The following CPEB3 variants were observed in gnomAD, a reference collection of about 807,000 sequenced individuals.
CPEB3 encodes the protein cytoplasmic polyadenylation element-binding protein 3.
CPEB3 carries 20 observed loss-of-function variants against 67.2 expected under a neutral mutation model. The ratio of observed to expected loss-of-function variants is 0.30; its 90% CI spans 0.21 to 0.43. CPEB3 has a LOEUF of 0.43. CPEB3 is among the 20% of genes least tolerant of loss of function. The pLI is 1.00. For missense variants in CPEB3, 746 were observed against 968.6 expected (o/e 0.77, Z 3.05); for synonymous variants, 376 against 393.1 (o/e 0.96, Z 0.51).
chr10:92,099,282 A>G (rs1356541811), intron 7 of CPEB3, among the ~76,000 whole-genome samples: 1 of 148,896 alleles, frequency 6.7e-6, no homozygotes, highest in Non-Finnish European at 1.5e-5. Flanking sequence ...GTACAGTAGT[A>G]CATGGAGTAC....
chr10:92,090,235 G>A (rs1266013693), intron 8 of CPEB3, among the ~76,000 whole-genome samples: 2 of 152,158 alleles, frequency 1.3e-5, no homozygotes, highest in East Asian at 1.9e-4. Flanking sequence ...AAGGAAAGGG[G>A]CTAGAACATA....
In CPEB3 at chr10:92,141,568, A is replaced by G. The variant is rs1200445617; in HGVS notation, c.1453+1461T>C. On this transcript the variant is annotated intron_variant, in intron 6 of 9. Transcript: ENST00000265997. The stretch of plus-strand genomic sequence containing the variant: ...AATGGGTGCAGCACACCAGCATGGC[A>G]CATGTATACATATGTAACTAACCTG... 7.2e-5 allele frequency among the ~76,000 whole-genome samples: 11 copies of G among 152,208 alleles called. No homozygotes were observed. The East Asian group carries it at 2.1e-3, about 29-fold the overall frequency.
chr10:92,047,906 C>T lies in CPEB3; in HGVS notation c.*4306G>A, dbSNP rs1852157568. 2.0e-5 allele frequency: 3 copies of T among 152,196 alleles called. No individual in the cohort carries two copies. Among genetic ancestry groups the T allele is most frequent in the Non-Finnish European group, 4.4e-5 (3 of 68,034 alleles). 9.4% of individuals were successfully genotyped at this position (152,196 alleles called of 1,614,324 possible). The stretch of plus-strand genomic sequence containing the variant: ...ATTGGCTGTTCTGTTTACGCAACAC[C>T]AGTTTTGCAGTTGTAGTTTTTGCTT... On this transcript the variant is annotated 3_prime_UTR_variant, in exon 10 of 10. Transcript: ENST00000265997.
At chr10:92,171,703 C>T (rs1347366283) in intron 4 of CPEB3, among the ~76,000 whole-genome samples, 3 of 151,266 alleles carry the variant, frequency 2.0e-5, no homozygotes, top group Non-Finnish European at 3.0e-5. Flanking sequence ...CAACCTCCTC[C>T]TCCTGGGTTC....
intron 1 of CPEB3, among the ~76,000 whole-genome samples, chr10:92,244,446 C>CT (rs369613347): frequency 0.22 from 33,189 of 150,126 alleles, 4,594 homozygotes; most frequent in Middle Eastern, 0.33. Context: ...ATACAGTTTT[C>CT]TTTTTTTTTG....
At chr10:92,075,079 TAGA>T (rs917312865) in intron 9 of CPEB3, among the ~76,000 whole-genome samples, 1 of 152,234 alleles carries the variant, frequency 6.6e-6, no homozygotes, top group Non-Finnish European at 1.5e-5. Flanking sequence ...GAACTCCTAG[TAGA>T]AGAAGCCTCT....
intron 3 of CPEB3, among the ~76,000 whole-genome samples, chr10:92,181,829 T>C (rs1250032326): frequency 1.3e-5 from 2 of 152,184 alleles, no homozygotes; most frequent in Non-Finnish European, 2.9e-5. Context: ...CTTCACAAAG[T>C]TTGCCAACCC....
At chr10:92,275,181 G>A (rs1313698832) in intron 1 of CPEB3, among the ~76,000 whole-genome samples, 1 of 152,098 alleles carries the variant, frequency 6.6e-6, no homozygotes, top group Non-Finnish European at 1.5e-5. Context: ...TGATATTTTA[G>A]GCTACATAAC....
At chr10:92,262,644 C>T (rs1472743722) in intron 1 of CPEB3, among the ~76,000 whole-genome samples, 3 of 151,954 alleles carry the variant, frequency 2.0e-5, no homozygotes, top group Admixed American at 6.6e-5. Context: ...CCCAGGAGTT[C>T]AAGACCAGCC....
intron 6 of CPEB3, among the ~76,000 whole-genome samples, chr10:92,116,163 G>A (rs1351741022): frequency 2.7e-5 from 4 of 150,138 alleles, no homozygotes; most frequent in Admixed American, 2.7e-4. Context: ...CTCACAGTGT[G>A]TACTTATGTT....
At chr10:92,145,195 G>A in intron 4 of CPEB3, 110 bp from the exon 5 acceptor site, 7 of 1,222,216 alleles carry the variant, frequency 5.7e-6, no homozygotes, top group Admixed American at 4.9e-5. Context: ...AGTGCAGAGA[G>A]AAGCATACAA....
intron 2 of CPEB3, among the ~76,000 whole-genome samples, chr10:92,200,126 C>T (rs1849448014): frequency 6.6e-6 from 1 of 152,170 alleles, no homozygotes; most frequent in Non-Finnish European, 1.5e-5. Flanking sequence ...AACTTTTCTC[C>T]CTTTTCTGTC....
chr10:92,279,946 G>T (rs1452884010), intron 1 of CPEB3, among the ~76,000 whole-genome samples: 1 of 152,128 alleles, frequency 6.6e-6, no homozygotes, highest in Non-Finnish European at 1.5e-5. Context: ...GGGAGACAGA[G>T]ACTGCAATGA....
chr10:92,196,969 T>G (rs1440693460), intron 2 of CPEB3, among the ~76,000 whole-genome samples: 1 of 151,526 alleles, frequency 6.6e-6, no homozygotes, highest in East Asian at 1.9e-4. Context: ...TCTCTCTTCA[T>G]GGTTTCTTCA....
At chr10:92,073,450 TTGA>T (rs1842828684) in intron 9 of CPEB3, among the ~76,000 whole-genome samples, 1 of 151,998 alleles carries the variant, frequency 6.6e-6, no homozygotes, top group Non-Finnish European at 1.5e-5. Context: ...GGTTAGGAGT[TTGA>T]GACCAGCCTG....
At chr10:92,107,258 A>G (rs1295318640) in intron 7 of CPEB3, among the ~76,000 whole-genome samples, 5 of 152,238 alleles carry the variant, frequency 3.3e-5, no homozygotes. Flanking sequence ...GGATCCCCAC[A>G]TAAGCATACT....
In CPEB3 at chr10:92,188,214, T is replaced by A. The variant is rs557331659; in HGVS notation, c.1165+4263A>T. Among the ~76,000 whole-genome samples the A allele has an allele frequency of 3.8e-4, 55 of 143,642 alleles. 1 individual carries two copies. Among genetic ancestry groups the A allele is most frequent in the African/African-American group, 1.3e-3 (50 of 38,718 alleles). 94.2% of individuals were successfully genotyped at this position (143,642 alleles called of 152,430 possible). On this transcript the variant is annotated intron_variant, in intron 3 of 9. Coordinates refer to ENST00000265997, the MANE Select transcript of CPEB3 (RefSeq NM_014912.5). ...CTGTCTCAAAAAATAAATAAATAAA[T>A]AAAATAAGAAACAGCTGTCATTAGA...
At chr10:92,084,038 C>T (rs748334594) in intron 8 of CPEB3, among the ~76,000 whole-genome samples, 3 of 151,814 alleles carry the variant, frequency 2.0e-5, no homozygotes, top group Non-Finnish European at 4.4e-5. Context: ...AAAAATTAGC[C>T]GGGCGTGGTG....
intron 9 of CPEB3, among the ~76,000 whole-genome samples, chr10:92,081,091 T>A (rs1458377303): frequency 1.3e-5 from 2 of 152,212 alleles, no homozygotes; most frequent in Non-Finnish European, 2.9e-5. Flanking sequence ...TTTGCAGGAT[T>A]ATTTTCATAA....
Sources: gnomAD v4.1 joint callset for allele counts (sites outside exome capture counted in the v4.1 genomes callset) on GRCh38, gnomAD v4.1.1 for gene constraint, MANE v1.5 for transcripts, NCBI Gene and HGNC (gene_info 2026-07-23, HGNC 2026-07-21) for gene names.